The following RNPC3 variants were observed in gnomAD, a reference collection of about 807,000 sequenced individuals.
The protein encoded by RNPC3 is RNA-binding region-containing protein 3.
RNPC3 carries 48 observed loss-of-function variants against 67.5 expected under a neutral mutation model. The ratio of observed to expected loss-of-function variants is 0.71; its 90% CI spans 0.56 to 0.90. The LOEUF is 0.90. Among genes scored for constraint, RNPC3 ranks in the 40% least tolerant of loss-of-function variants. RNPC3 has a pLI of 0.00. For missense variants in RNPC3, 637 were observed against 626.1 expected (o/e 1.02, Z -0.19); for synonymous variants, 239 against 210.3 (o/e 1.14, Z -1.18).
intron 7 of RNPC3, among the ~76,000 whole-genome samples, chr1:103,538,218 C>T (rs1490578376): frequency 1.3e-5 from 2 of 152,172 alleles, no homozygotes; most frequent in African/African-American, 4.8e-5. Flanking sequence ...TCAGCCAACA[C>T]ACACGTTCTG....
At chr1:103,549,996 T>C (rs1056967617) in intron 12 of RNPC3, among the ~76,000 whole-genome samples, 3 of 151,616 alleles carry the variant, frequency 2.0e-5, no homozygotes, top group Non-Finnish European at 4.4e-5. Flanking sequence ...AAACCCCATC[T>C]CTACTAAAAA....
At chr1:103,541,616 A>G in intron 8 of RNPC3, 141 bp downstream of exon 8, 1 of 679,728 alleles carries the variant, frequency 1.5e-6, no homozygotes, top group East Asian at 3.5e-5. Flanking sequence ...CAAATTTACA[A>G]ATATTCATAA....
At position 103,535,335 on chromosome 1, in the gene RNPC3, C is replaced by G. The variant is rs993373868; in HGVS notation, c.449C>G (p.Thr150Ser). 6.5e-7 allele frequency: 1 copy of G among 1,531,514 alleles called. No homozygotes were observed. The highest frequency in any genetic ancestry group is 8.7e-7 in the Non-Finnish European group (1 of 1,143,148). 94.9% of individuals were successfully genotyped at this position (1,531,514 alleles called of 1,614,324 possible). A position where few individuals can be genotyped will look rare whatever the true frequency, so the allele number is the denominator to read the frequency against. Residue 150 changes from threonine to serine, a missense_variant, in exon 5 of 15, where the codon ACT (threonine) becomes AGT (serine). Transcript: ENST00000423855. Reference protein sequence around the residue: ...ENGIAPNHGLTFPLNSCLKYM... With the variant: ...ENGIAPNHGLSFPLNSCLKYM... Reference sequence around the variant, plus strand: ...AAATGTTTTTTGTTTTATAGGCTGACTTTTCCTTTAAATTCATGCCTCAAG... The same window carrying G: ...AAATGTTTTTTGTTTTATAGGCTGAGTTTTCCTTTAAATTCATGCCTCAAG...
chr1:103,537,969 G>A (rs1226541454), intron 7 of RNPC3, among the ~76,000 whole-genome samples: 2 of 151,772 alleles, frequency 1.3e-5, no homozygotes, highest in Non-Finnish European at 2.9e-5. Context: ...TCAGCTTCCC[G>A]AGTAGCTGGG....
intron 12 of RNPC3, among the ~76,000 whole-genome samples, chr1:103,547,936 A>C (rs1337487671): frequency 6.6e-6 from 1 of 152,146 alleles, no homozygotes; most frequent in Non-Finnish European, 1.5e-5. Flanking sequence ...ACATCTGTGC[A>C]CTGGCAGGCT....
In RNPC3 at chr1:103,539,425, A is replaced by G. The variant is rs138329792; in HGVS notation, c.768-1925A>G. The stretch of plus-strand genomic sequence containing the variant: ...TACACTATCTGTCTTAAAAAGAGAC[A>G]TTTAGGGAAACAGGCAGTGCCTGAT... On this transcript the variant is annotated intron_variant, in intron 7 of 14. Transcript: ENST00000423855. Among the ~76,000 whole-genome samples, 1,180 of 152,350 alleles carry G rather than the reference A, an allele frequency of 7.7e-3. 19 individuals are homozygous for G. Among genetic ancestry groups the G allele is most frequent in the African/African-American group, 0.028 (1,152 of 41,576 alleles).
chr1:103,536,944 A>ATTT (rs1651001182), intron 6 of RNPC3, among the ~76,000 whole-genome samples: 2 of 152,158 alleles, frequency 1.3e-5, no homozygotes, highest in South Asian at 4.1e-4. Context: ...GCAGAGGGAT[A>ATTT]TTTTGTTCTA....
chr1:103,541,579 C>T (rs1474974263), intron 8 of RNPC3, 104 bp downstream of exon 8: 2 of 1,170,232 alleles, frequency 1.7e-6, no homozygotes, highest in Non-Finnish European at 1.2e-6. Context: ...TGTCAGTGTT[C>T]TTGGTTTACA....
At chr1:103,540,001 A>G (rs1388841455) in intron 7 of RNPC3, among the ~76,000 whole-genome samples, 2 of 152,152 alleles carry the variant, frequency 1.3e-5, no homozygotes, top group East Asian at 3.9e-4. Flanking sequence ...CTGGGACTAA[A>G]GGCATGTGCT....
At chr1:103,538,563 A>G (rs540705776) in intron 7 of RNPC3, among the ~76,000 whole-genome samples, 3 of 152,330 alleles carry the variant, frequency 2.0e-5, no homozygotes, top group African/African-American at 7.2e-5. Flanking sequence ...AAACAAGGTA[A>G]TGTATTGATC....
rs1017039195 is a variant in RNPC3 at position 103,535,402 on chromosome 1, T to C, written c.516T>C (p.Ile172=). 3 of 1,535,628 alleles carry C rather than the reference T, an allele frequency of 2.0e-6. No individual in the cohort carries two copies. Among genetic ancestry groups the C allele is most frequent in the Admixed American group, 2.0e-5 (1 of 50,938 alleles). The change falls in exon 5 of 15, where the codon ATT becomes ATC. Residue 172 remains isoleucine, a synonymous_variant. Coordinates refer to ENST00000423855, the MANE Select transcript of RNPC3 (RefSeq NM_017619.4). ...PPPSSTILAN[I]VNALASVPKF... ...CTTCCAGCACAATCCTAGCAAACAT[T>C]GTAAATGCCTTGGCAAGCGTGCCTA... is the stretch of plus-strand genomic sequence containing the variant.
At chr1:103,545,454 A>G (rs972495457) in intron 10 of RNPC3, 2 of 161,114 alleles carry the variant, frequency 1.2e-5, no homozygotes, top group African/African-American at 4.8e-5. Context: ...TCTGAGATAC[A>G]TACAAAGCGA....
rs182140066 is a variant in RNPC3 at position 103,528,665 on chromosome 1, A to G, written c.240+923A>G. Reference sequence around the variant, plus strand: ...GTTAACTTGGAGGGGTCATTGGGCTACTTTTATGGAAATATTTAAAAATAT... The same window carrying G: ...GTTAACTTGGAGGGGTCATTGGGCTGCTTTTATGGAAATATTTAAAAATAT... On this transcript the variant is annotated intron_variant, in intron 2 of 14. Transcript: ENST00000423855. Among the ~76,000 whole-genome samples, 601 of 152,260 alleles carry G rather than the reference A, an allele frequency of 3.9e-3. 4 individuals carry two copies. Among genetic ancestry groups the G allele is most frequent in the South Asian group, 0.02 (95 of 4,828 alleles).
chr1:103,537,454 A>G lies in RNPC3; in HGVS notation c.737A>G (p.Tyr246Cys), dbSNP rs763817950. The change falls in exon 7 of 15, where the codon TAT (tyrosine) becomes TGT (cysteine). Residue 246 changes from tyrosine to cysteine, a missense_variant. Physicochemically the swap from Tyr to Cys is radical, Grantham distance 194. Around this residue, in one of 3 missense-constraint regions of RNPC3, gnomAD observed 536 missense variants for 500.3 expected, o/e 1.07. Transcript: ENST00000423855. ...DEELSSEESE[Y>C]ESTDDEDRQR... ...GAATTATCTAGTGAAGAATCAGAATATGAAAGCACTGATGATGAGGACCGA... is the reference window on the plus strand; with the variant it reads ...GAATTATCTAGTGAAGAATCAGAATGTGAAAGCACTGATGATGAGGACCGA... The G allele has an allele frequency of 3.4e-5, 53 of 1,536,538 alleles. No homozygotes were observed. Among genetic ancestry groups the G allele is most frequent in the Middle Eastern group, 3.4e-4 (2 of 5,914 alleles).
At chr1:103,536,689 C>G (rs967734371) in intron 6 of RNPC3, among the ~76,000 whole-genome samples, 1 of 151,766 alleles carries the variant, frequency 6.6e-6, no homozygotes, top group African/African-American at 2.4e-5. Flanking sequence ...ATTATTAATA[C>G]TTTGAGTGTT....
At chr1:103,539,262 G>A (rs146952241) in intron 7 of RNPC3, among the ~76,000 whole-genome samples, 10,265 of 152,264 alleles carry the variant, frequency 0.067, 506 homozygotes, top group Middle Eastern at 0.11. Flanking sequence ...CAGACTCTGA[G>A]CAACATATAC....
At position 103,541,356 on chromosome 1, in the gene RNPC3, C is replaced by G; in HGVS notation, c.774C>G (p.Asn258Lys). Residue 258 changes from asparagine to lysine, a missense_variant, in exon 8 of 15, where the codon AAC becomes AAG. Physicochemically the swap from Asn to Lys is moderately conservative, Grantham distance 94. Transcript: ENST00000423855. ...STDDEDRQRM[N>K]KLMELANLQP... ...ATCCCTCTCCTCATTGTAGAATGAA[C>G]AAATTAATGGAACTAGCAAATCTTC... is the stretch of plus-strand genomic sequence containing the variant. The G allele has an allele frequency of 6.6e-7, 1 of 1,504,498 alleles. No homozygotes were observed. Among genetic ancestry groups the G allele is most frequent in the Non-Finnish European group, 8.8e-7 (1 of 1,135,144 alleles). 93.2% of individuals were successfully genotyped at this position (1,504,498 alleles called of 1,614,324 possible).
rs915817297 is a variant in RNPC3, at chr1:103,526,175, G to A, written c.105G>A (p.Pro35=). Reference sequence around the variant, plus strand: ...GAACCCTTCTGGTCAGGCACCTGCCGGCTGAGCTTACTGCTGAGGAGAAAG... The same window carrying A: ...GAACCCTTCTGGTCAGGCACCTGCCAGCTGAGCTTACTGCTGAGGAGAAAG... ...GDRTLLVRHL[P]AELTAEEKED... Residue 35 remains proline (P), a synonymous_variant, in exon 1 of 15, where the codon CCG becomes CCA. Transcript: ENST00000423855. 2 of 1,551,364 alleles carry A rather than the reference G, an allele frequency of 1.3e-6. No individual in the cohort carries two copies. Among genetic ancestry groups the A allele is most frequent in the Admixed American group, 2.0e-5 (1 of 50,940 alleles).
chr1:103,543,262 A>G, intron 8 of RNPC3, 34 bp from the exon 9 acceptor site: 3 of 1,342,694 alleles, frequency 2.2e-6, no homozygotes, highest in South Asian at 1.8e-5. Context: ...TTTATTTGCA[A>G]TTACAAACTA....
Sources: allele counts gnomAD v4.1 joint callset (sites outside exome capture counted in the v4.1 genomes callset), GRCh38; gene constraint gnomAD v4.1.1; regional missense constraint gnomAD v4.1.1; transcripts MANE v1.5; gene names NCBI Gene and HGNC (gene_info 2026-07-23, HGNC 2026-07-21).